The following SLC9A7 variants were observed in gnomAD, a reference collection of about 807,000 sequenced individuals.
SLC9A7 encodes sodium/hydrogen exchanger 7.
Under a neutral mutation model 52.6 loss-of-function variants are expected in SLC9A7, and 19 were observed. The observed-to-expected ratio is 0.36, with a 90% confidence interval of 0.25 to 0.53. The LOEUF is 0.53. Ranked by LOEUF, SLC9A7 falls within the 20% of genes least tolerant of loss-of-function variation. The pLI is 0.91. For missense variants in SLC9A7, 455 were observed against 597.9 expected (o/e 0.76, Z 2.49); for synonymous variants, 226 against 252.1 (o/e 0.90, Z 0.98).
intron 1 of SLC9A7, among the ~76,000 whole-genome samples, chrX:46,753,157 AT>A (rs1172679497): frequency 8.9e-6 from 1 of 111,950 alleles, no homozygotes; most frequent in African/African-American, 3.2e-5. Context: ...TTTATAAAGC[AT>A]TTTTTTGCTA....
intron 15 of SLC9A7, among the ~76,000 whole-genome samples, chrX:46,613,814 C>T (rs1281012745): frequency 8.9e-6 from 1 of 111,775 alleles, no homozygotes; most frequent in Non-Finnish European, 1.9e-5. Flanking sequence ...TTGTTCTCTG[C>T]ATGGATTCCT....
At chrX:46,658,839 T>C (rs1219930963) in intron 7 of SLC9A7, among the ~76,000 whole-genome samples, 2 of 109,514 alleles carry the variant, frequency 1.8e-5, no homozygotes, top group African/African-American at 3.3e-5. Flanking sequence ...TTCCAATCAA[T>C]AGAAAAAGAG....
chrX:46,714,817 G>A (rs771774777), intron 1 of SLC9A7, among the ~76,000 whole-genome samples: 137 of 111,850 alleles, frequency 1.2e-3, no homozygotes, highest in Non-Finnish European at 2.0e-3. Flanking sequence ...ATAAGGCAGG[G>A]AAAGGGTTAA....
chrX:46,755,122 A>T (rs1198553071), intron 1 of SLC9A7, among the ~76,000 whole-genome samples: 2 of 112,304 alleles, frequency 1.8e-5, no homozygotes, highest in Non-Finnish European at 1.9e-5. Context: ...AGGAATGCTT[A>T]TAAGTGTCCT....
chrX:46,672,350 G>T (rs1435051892), intron 4 of SLC9A7, among the ~76,000 whole-genome samples: 2 of 111,508 alleles, frequency 1.8e-5, no homozygotes, highest in East Asian at 5.6e-4. Flanking sequence ...AGATCTGGGT[G>T]CTGGGTATAA....
Position 46,651,233 on chromosome X carries a change from G to A in SLC9A7, c.1237-10C>T. 8.4e-7 allele frequency: 1 copy of A among 1,184,385 alleles called. No individual in the cohort carries two copies. The highest frequency in any genetic ancestry group is 1.1e-6 in the Non-Finnish European group (1 of 871,565). On this transcript the variant is annotated splice_polypyrimidine_tract_variant and intron_variant, in intron 9 of 16. Transcript: ENST00000616978. The stretch of plus-strand genomic sequence containing the variant: ...GTAACACCTCAAAGAGCTGCACAGA[G>A]AAGGGAAAAGGAAGCTGTAACCCTG...
At chrX:46,687,567 C>A (rs1186462403) in intron 1 of SLC9A7, among the ~76,000 whole-genome samples, 3 of 111,638 alleles carry the variant, frequency 2.7e-5, no homozygotes, top group Non-Finnish European at 5.6e-5. Flanking sequence ...AATATTACAG[C>A]CCTTTCAATA....
chrX:46,648,032 C>T (rs1184283774), intron 11 of SLC9A7, among the ~76,000 whole-genome samples: 1 of 112,686 alleles, frequency 8.9e-6, no homozygotes, highest in African/African-American at 3.2e-5. Flanking sequence ...TCTCCTTACT[C>T]TACTTCCACA....
intron 11 of SLC9A7, chrX:46,646,781 C>A: frequency 3.0e-6 from 1 of 328,221 alleles, no homozygotes. Context: ...GCCGGGGAAG[C>A]TGTTGCCATG....
At chrX:46,682,661 G>T in intron 1 of SLC9A7, 126 bp from the exon 2 acceptor site, 1 of 590,401 alleles carries the variant, frequency 1.7e-6, no homozygotes, top group Non-Finnish European at 2.7e-6. Context: ...CATGGGGTAT[G>T]TATTTTAGGA....
At position 46,741,418 on chromosome X, in the gene SLC9A7, G is replaced by A. The variant is rs1419439431; in HGVS notation, c.325+17287C>T. 7.2e-5 allele frequency among the ~76,000 whole-genome samples: 8 copies of A among 111,616 alleles called. No homozygotes were observed. The Admixed American group carries it at 7.7e-4, about 11-fold the overall frequency. On this transcript the variant is annotated intron_variant, in intron 1 of 16. Coordinates refer to ENST00000616978, the MANE Select transcript of SLC9A7 (RefSeq NM_001257291.2). ...GCAGTAAGAAAGATGGTGTGGTATT[G>A]GCAAAGAGCTAGATACACAGATCAG... is the stretch of plus-strand genomic sequence containing the variant.
intron 16 of SLC9A7, among the ~76,000 whole-genome samples, chrX:46,607,650 T>C (rs1429012952): frequency 9.0e-6 from 1 of 111,135 alleles, no homozygotes; most frequent in African/African-American, 3.3e-5. Flanking sequence ...CTCTTTGTCA[T>C]AGACAGCAAT....
chrX:46,651,138 A>G lies in SLC9A7; in HGVS notation c.1322T>C (p.Phe441Ser), dbSNP rs775359077. 8.3e-7 allele frequency: 1 copy of G among 1,209,523 alleles called. No individual in the cohort carries two copies. The highest frequency in any genetic ancestry group is 2.2e-5 in the Admixed American group (1 of 45,881). ...LALFTFQKHVFSPIFIIGAFV... is the reference protein window; with the variant it reads ...LALFTFQKHVSSPIFIIGAFV... ...AGCTCCGATGATGAAAATGGGGCTG[A>G]AAACGTGCTTCTGGAAGGTAAACAG... The change falls in exon 10 of 17, where the codon TTC becomes TCC. Residue 441 changes from phenylalanine (F) to serine (S), a missense_variant. Physicochemically the swap from Phe to Ser is radical, Grantham distance 155 (BLOSUM62 -2). Coordinates refer to ENST00000616978, the MANE Select transcript of SLC9A7 (RefSeq NM_001257291.2).
chrX:46,756,957 A>T (rs1204278228), intron 1 of SLC9A7, among the ~76,000 whole-genome samples: 2 of 112,239 alleles, frequency 1.8e-5, no homozygotes, highest in East Asian at 5.5e-4. Context: ...CAGAACACGG[A>T]GTACTCTCCA....
chrX:46,695,713 G>T (rs1018805026), intron 1 of SLC9A7, among the ~76,000 whole-genome samples: 2 of 110,451 alleles, frequency 1.8e-5, no homozygotes, highest in Non-Finnish European at 3.8e-5. Context: ...CCAACTGTCA[G>T]CTCCATGGAA....
At chrX:46,712,603 C>T (rs1234095501) in intron 1 of SLC9A7, among the ~76,000 whole-genome samples, 2 of 111,967 alleles carry the variant, frequency 1.8e-5, no homozygotes, top group Admixed American at 9.5e-5. Flanking sequence ...CAGTTACTCA[C>T]GTTGAAACAT....
At chrX:46,723,066 A>G (rs5906263) in intron 1 of SLC9A7, among the ~76,000 whole-genome samples, 25,692 of 110,153 alleles carry the variant, frequency 0.23, 2,380 homozygotes, top group South Asian at 0.4. Context: ...GCTTTGTAGC[A>G]AGGAATGAAA....
chrX:46,698,210 T>C (rs1230312764), intron 1 of SLC9A7, among the ~76,000 whole-genome samples: 1 of 112,086 alleles, frequency 8.9e-6, no homozygotes, highest in Non-Finnish European at 1.9e-5. Flanking sequence ...ACTTGATGTT[T>C]GTGACCCACA....
chrX:46,703,631 C>T (rs912092683), intron 1 of SLC9A7, among the ~76,000 whole-genome samples: 1 of 111,368 alleles, frequency 9.0e-6, no homozygotes, highest in African/African-American at 3.3e-5. Flanking sequence ...ATAGGCGACA[C>T]CACATTATTA....
Sources: gnomAD v4.1 joint callset for allele counts (sites outside exome capture counted in the v4.1 genomes callset) on GRCh38, gnomAD v4.1.1 for gene constraint, MANE v1.5 for transcripts, NCBI Gene and HGNC (gene_info 2026-07-23, HGNC 2026-07-21) for gene names.